OPA1: variants seen among roughly 807,000 people sequenced by gnomAD.
OPA1 encodes the protein OPA1 mitochondrial dynamin like GTPase.
Under a neutral mutation model 152.9 loss-of-function variants are expected in OPA1, and 59 were observed. The ratio of observed to expected loss-of-function variants is 0.39; its 90% CI spans 0.31 to 0.48. The LOEUF is 0.48. Ranked by LOEUF, OPA1 falls within the 20% of genes least tolerant of loss-of-function variation. OPA1 has a pLI of 0.96. For synonymous variants in OPA1, 400 were observed against 389.9 expected (o/e 1.03, Z -0.31); for missense variants, 1,008 against 1,216.8 (o/e 0.83, Z 2.55).
Position 193,655,031 on chromosome 3 carries a change from A to G in OPA1, c.2178+4A>G. On this transcript the variant is annotated splice_donor_region_variant and intron_variant, in intron 22 of 30. Transcript: ENST00000361510. ...ACTTCCTAATAAAGCAGTAGAGGTT[A>G]GGATATAATTTAATTAAATGGGTAA... 1 of 1,613,064 alleles carries G rather than the reference A, an allele frequency of 6.2e-7. No homozygotes were observed.
intron 26 of OPA1, 46 bp downstream of exon 26, chr3:193,663,008 G>T: frequency 6.3e-7 from 1 of 1,593,106 alleles, no homozygotes; most frequent in Non-Finnish European, 8.6e-7. Flanking sequence ...CTTAATATTT[G>T]TTTCTTGCAG....
chr3:193,657,055 C>CTTTTT, intron 22 of OPA1, 25 bp from the exon 23 acceptor site: 2 of 1,595,488 alleles, frequency 1.3e-6, no homozygotes, highest in African/African-American at 1.4e-5. Context: ...AATAATATGG[C>CTTTTT]TTTTTTTCTT....
chr3:193,668,605 C>T (rs888373335), intron 29 of OPA1: 19 of 1,537,822 alleles, frequency 1.2e-5, no homozygotes, highest in Middle Eastern at 1.7e-4. Context: ...GCCTGTGCTT[C>T]GCCAGCCTGC....
intron 5 of OPA1, 62 bp downstream of exon 5, chr3:193,617,899 T>C: frequency 8.1e-7 from 1 of 1,227,190 alleles, no homozygotes; most frequent in Admixed American, 1.7e-5. Flanking sequence ...AATAAACTAG[T>C]TGCAAATAAA....
At chr3:193,635,343 G>T (rs2109001831) in intron 8 of OPA1, 75 bp from the exon 9 acceptor site, 3 of 888,612 alleles carry the variant, frequency 3.4e-6, no homozygotes, top group Admixed American at 1.9e-5. Context: ...GATTTTGGAA[G>T]ATTTTAATTT....
intron 30 of OPA1, among the ~76,000 whole-genome samples, chr3:193,692,421 G>A (rs1319241598): frequency 1.3e-5 from 2 of 152,128 alleles, no homozygotes; most frequent in African/African-American, 4.8e-5. Flanking sequence ...CATTTTCTAG[G>A]TGTAAAGAAT....
At chr3:193,610,751 C>T (rs540761657) in intron 1 of OPA1, among the ~76,000 whole-genome samples, 5 of 152,364 alleles carry the variant, frequency 3.3e-5, no homozygotes, top group African/African-American at 1.2e-4. Flanking sequence ...ACCCCTCCCC[C>T]AGCCTCGCTG....
intron 1 of OPA1, 35 bp downstream of exon 1, chr3:193,593,444 T>C: frequency 5.3e-6 from 8 of 1,506,176 alleles, no homozygotes; most frequent in Non-Finnish European, 6.3e-6. Context: ...CCGTTAATTC[T>C]GGGGCCTCTT....
At chr3:193,601,625 G>C (rs1201228494) in intron 1 of OPA1, among the ~76,000 whole-genome samples, 3 of 152,176 alleles carry the variant, frequency 2.0e-5, no homozygotes, top group Non-Finnish European at 4.4e-5. Context: ...AGTAAAAAGA[G>C]ACCCTACTGG....
At chr3:193,674,775 C>T (rs531315748) in intron 29 of OPA1, among the ~76,000 whole-genome samples, 2 of 152,194 alleles carry the variant, frequency 1.3e-5, no homozygotes, top group South Asian at 2.1e-4. Context: ...AGTGTTGTTA[C>T]GGATGAGAAT....
chr3:193,644,271 G>A (rs1577245173), intron 16 of OPA1, 166 bp downstream of exon 16: 1 of 748,142 alleles, frequency 1.3e-6, no homozygotes, highest in East Asian at 3.2e-5. Flanking sequence ...ATGGTACATG[G>A]TATGAAGTCT....
chr3:193,629,715 T>A (rs913344439), intron 7 of OPA1, among the ~76,000 whole-genome samples: 12 of 152,180 alleles, frequency 7.9e-5, no homozygotes, highest in Admixed American at 7.2e-4. Flanking sequence ...CTTATATCAT[T>A]TTAACTTTTT....
intron 16 of OPA1, 82 bp downstream of exon 16, chr3:193,644,187 A>G: frequency 6.7e-7 from 1 of 1,500,726 alleles, no homozygotes; most frequent in South Asian, 1.1e-5. Context: ...TAAAAAAACA[A>G]CAACAACAAC....
intron 1 of OPA1, among the ~76,000 whole-genome samples, chr3:193,607,306 A>G (rs1214093132): frequency 4.6e-5 from 7 of 152,142 alleles, no homozygotes; most frequent in African/African-American, 1.7e-4. Context: ...TTTTGTTGCC[A>G]TTGCTTTTGG....
chr3:193,687,987 G>C (rs1349749905), intron 29 of OPA1, among the ~76,000 whole-genome samples: 1 of 151,938 alleles, frequency 6.6e-6, no homozygotes, highest in East Asian at 1.9e-4. Flanking sequence ...TTGCTTGTCT[G>C]GTTCAGGTGT....
chr3:193,619,087 C>G (rs563402416), intron 6 of OPA1, 151 bp downstream of exon 6: 1 of 678,974 alleles, frequency 1.5e-6, no homozygotes, highest in Non-Finnish European at 2.6e-6. Flanking sequence ...GTGCAAAGTA[C>G]AAGGTATTAC....
chr3:193,600,427 G>A (rs1159733224), intron 1 of OPA1, among the ~76,000 whole-genome samples: 1 of 152,192 alleles, frequency 6.6e-6, no homozygotes, highest in Admixed American at 6.5e-5. Context: ...ATGTACAGCT[G>A]CATACAAAAC....
chr3:193,617,631 A>G (rs1471288457), intron 4 of OPA1, among the ~76,000 whole-genome samples, 153 bp from the exon 5 acceptor site: 1 of 152,220 alleles, frequency 6.6e-6, no homozygotes, highest in African/African-American at 2.4e-5. Context: ...AGTATGATAG[A>G]CCATAATGAG....
intron 1 of OPA1, among the ~76,000 whole-genome samples, chr3:193,600,420 T>C (rs1437185451): frequency 2.0e-5 from 3 of 152,212 alleles, no homozygotes; most frequent in Admixed American, 6.5e-5. Flanking sequence ...ACTGTCAATG[T>C]ACAGCTGCAT....
Sources: gnomAD v4.1 joint callset for allele counts (sites outside exome capture counted in the v4.1 genomes callset) on GRCh38, gnomAD v4.1.1 for gene constraint, MANE v1.5 for transcripts, NCBI Gene and HGNC (gene_info 2026-07-23, HGNC 2026-07-21) for gene names.